GALNT12: variants seen among roughly 807,000 people sequenced by gnomAD.
The protein encoded by GALNT12 is polypeptide N-acetylgalactosaminyltransferase 12, also known as UDP-GalNAc:polypeptide N-acetylgalactosaminyltransferase 12.
A neutral mutation model predicts 55.5 loss-of-function variants in GALNT12; 45 were observed. The ratio of observed to expected loss-of-function variants is 0.81; its 90% CI spans 0.64 to 1.04. The LOEUF (loss-of-function observed/expected upper bound fraction) is 1.04. GALNT12 is among the 50% of genes least tolerant of loss of function. The pLI is 0.00. For missense variants in GALNT12, 709 were observed against 754.8 expected (o/e 0.94, Z 0.71); for synonymous variants, 304 against 312.2 (o/e 0.97, Z 0.28).
intron 6 of GALNT12, among the ~76,000 whole-genome samples, chr9:98,839,137 G>T (rs1836225059): frequency 1.3e-5 from 2 of 152,202 alleles, no homozygotes; most frequent in Non-Finnish European, 2.9e-5. Context: ...GGTTCCCAGA[G>T]AATATTTTAG....
chr9:98,835,282 G>C lies in GALNT12; in HGVS notation c.951G>C (p.Val317=), dbSNP rs1243352801. 6.2e-7 allele frequency: 1 copy of C among 1,614,038 alleles called. No individual in the cohort carries two copies. Among genetic ancestry groups the C allele is most frequent in the South Asian group, 1.1e-5 (1 of 91,082 alleles). Residue 317 remains valine, a synonymous_variant, in exon 5 of 10, where the codon GTG becomes GTC. Transcript: ENST00000375011. The part of the protein sequence containing the change: ...SPTMAGGLFA[V]SKKYFEYLGS... ...CAATGGCTGGTGGGCTGTTTGCTGT[G>C]AGTAAGAAATATTTTGAATATCTGG...
chr9:98,840,226 G>T, intron 7 of GALNT12, 93 bp downstream of exon 7: 2 of 1,518,722 alleles, frequency 1.3e-6, no homozygotes, highest in Non-Finnish European at 1.8e-6. Context: ...CACGTCATGG[G>T]GAGCACTGGC....
intron 6 of GALNT12, among the ~76,000 whole-genome samples, chr9:98,838,436 A>G (rs1350166748): frequency 1.3e-5 from 2 of 152,212 alleles, no homozygotes; most frequent in Non-Finnish European, 2.9e-5. Flanking sequence ...GGTCTCAGCC[A>G]CACACTACAG....
At position 98,808,011 on chromosome 9, in the gene GALNT12, A is replaced by G. The variant is rs768714862; in HGVS notation, c.313A>G (p.Ile105Val). ...GAGCGTGCGGCTGCACCAGATTAAC[A>G]TCTACCTCAGCGACCGCATCTCACT... is the stretch of plus-strand genomic sequence containing the variant. ...EESVRLHQIN[I>V]YLSDRISLHR... Residue 105 changes from isoleucine to valine, a missense_variant, in exon 1 of 10, where the codon ATC (isoleucine) becomes GTC (valine). Physicochemically the swap from Ile to Val is conservative, Grantham distance 29. Transcript: ENST00000375011. The G allele has an allele frequency of 1.3e-6, 2 of 1,563,522 alleles. No individual in the cohort carries two copies. The highest frequency in any genetic ancestry group is 1.2e-5 in the South Asian group (1 of 85,054).
chr9:98,807,721 G>C lies in GALNT12; in HGVS notation c.23G>C (p.Arg8Pro), dbSNP rs1313526292. Reference protein sequence around the residue: MWGRTARRRCPRELRRGR... With the variant: MWGRTARPRCPRELRRGR... ...CGCATGTGGGGGCGCACGGCGCGGC[G>C]GCGCTGCCCGCGGGAACTGCGGCGC... Residue 8 changes from arginine (R) to proline (P), a missense_variant, in exon 1 of 10, where the codon CGG (arginine) becomes CCG (proline). Coordinates refer to ENST00000375011, the MANE Select transcript of GALNT12 (RefSeq NM_024642.5). 4 of 1,177,644 alleles carry C rather than the reference G, an allele frequency of 3.4e-6. No homozygotes were observed. The African/African-American group carries it at 6.5e-5, about 19-fold the overall frequency. 72.9% of individuals were successfully genotyped at this position (1,177,644 alleles called of 1,614,324 possible). A position where few individuals can be genotyped will look rare whatever the true frequency, so the allele number is the denominator to read the frequency against.
intron 7 of GALNT12, among the ~76,000 whole-genome samples, chr9:98,841,702 C>T (rs1836290582): frequency 6.6e-6 from 1 of 151,530 alleles, no homozygotes; most frequent in East Asian, 1.9e-4. Context: ...AAAAGTCTTG[C>T]TCTTGTCCCC....
chr9:98,837,058 C>T lies in GALNT12; in HGVS notation c.1122C>T (p.Asn374=). 6.2e-7 allele frequency: 1 copy of T among 1,614,208 alleles called. No individual in the cohort carries two copies. The highest frequency in any genetic ancestry group is 1.7e-5 in the Admixed American group (1 of 60,022). Residue 374 remains asparagine (N), a synonymous_variant, in exon 6 of 10, where the codon AAC becomes AAT. Coordinates refer to ENST00000375011, the MANE Select transcript of GALNT12 (RefSeq NM_024642.5). ...VFPKQAPYSR[N]KALANSVRAA... ...CCAAGCAAGCTCCCTACTCCCGCAA[C>T]AAGGCTCTGGCCAACAGTGTTCGTG...
At position 98,837,072 on chromosome 9, in the gene GALNT12, A is replaced by G; in HGVS notation, c.1136A>G (p.Asn379Ser). The stretch of plus-strand genomic sequence containing the variant: ...TACTCCCGCAACAAGGCTCTGGCCA[A>G]CAGTGTTCGTGCAGCTGAAGTATGG... ...APYSRNKALA[N>S]SVRAAEVWMD... Residue 379 changes from asparagine (N) to serine (S), a missense_variant, in exon 6 of 10, where the codon AAC becomes AGC. Asn to Ser is a conservative substitution (Grantham distance 46). Transcript: ENST00000375011. The G allele has an allele frequency of 1.2e-6, 2 of 1,614,224 alleles. No individual in the cohort carries two copies. Among genetic ancestry groups the G allele is most frequent in the Non-Finnish European group, 1.7e-6 (2 of 1,180,044 alleles).
intron 1 of GALNT12, among the ~76,000 whole-genome samples, chr9:98,808,333 C>T (rs1199839768): frequency 1.3e-5 from 2 of 152,170 alleles, no homozygotes; most frequent in Admixed American, 6.5e-5. Context: ...GTTATCATCT[C>T]CCTGAAAAGG....
At chr9:98,821,003 T>C (rs1835723063) in intron 1 of GALNT12, among the ~76,000 whole-genome samples, 1 of 152,164 alleles carries the variant, frequency 6.6e-6, no homozygotes, top group African/African-American at 2.4e-5. Flanking sequence ...GTATGCTGGA[T>C]TTTCTTTAGA....
intron 1 of GALNT12, among the ~76,000 whole-genome samples, chr9:98,814,912 C>T (rs961722059): frequency 2.0e-5 from 3 of 152,130 alleles, no homozygotes; most frequent in Non-Finnish European, 2.9e-5. Context: ...AAGTACAAGG[C>T]GTGCTGAAAA....
chr9:98,848,603 C>A (rs957173467), intron 9 of GALNT12, among the ~76,000 whole-genome samples: 6 of 152,198 alleles, frequency 3.9e-5, no homozygotes, highest in Non-Finnish European at 1.5e-5. Context: ...GATCACCCTG[C>A]ACGGAATGAG....
At chr9:98,824,028 G>A (rs1213850273) in intron 2 of GALNT12, among the ~76,000 whole-genome samples, 1 of 152,234 alleles carries the variant, frequency 6.6e-6, no homozygotes, top group Admixed American at 6.5e-5. Flanking sequence ...TGTAACAGCA[G>A]GTAGAGCTGT....
At position 98,824,888 on chromosome 9, in the gene GALNT12, C is replaced by T. The variant is rs1432828368; in HGVS notation, c.541+1463C>T. Among the ~76,000 whole-genome samples the T allele has an allele frequency of 3.9e-5, 6 of 152,256 alleles. No individual in the cohort carries two copies. In the South Asian group the frequency reaches 1.2e-3, roughly 32 times the overall value. ...TCTGCATTTCCTTTTTCCGTTTCCC[C>T]CCAGGGTCGTTTTAAATCTCTCCGT... On this transcript the variant is annotated intron_variant, in intron 2 of 9. Transcript: ENST00000375011.
intron 3 of GALNT12, among the ~76,000 whole-genome samples, chr9:98,829,381 G>T (rs1346550520): frequency 2.0e-5 from 3 of 151,308 alleles, no homozygotes; most frequent in Admixed American, 6.6e-5. Context: ...TAGAGATGGG[G>T]TTTCACCATG....
At chr9:98,819,749 GATGTGATACAGGGATC>G (rs1041711389) in intron 1 of GALNT12, among the ~76,000 whole-genome samples, 3 of 152,016 alleles carry the variant, frequency 2.0e-5, no homozygotes, top group Non-Finnish European at 4.4e-5. Context: ...CAGGTGGGGA[GATGTGATACAGGGATC>G]TTTAGATTCA....
intron 6 of GALNT12, among the ~76,000 whole-genome samples, chr9:98,839,120 T>C (rs923853237): frequency 5.9e-5 from 9 of 152,154 alleles, no homozygotes; most frequent in Non-Finnish European, 1.3e-4. Flanking sequence ...AGTTCCCTTT[T>C]CCTGAGGGTT....
intron 8 of GALNT12, among the ~76,000 whole-genome samples, chr9:98,845,011 C>G (rs1339113363): frequency 6.6e-6 from 1 of 152,112 alleles, no homozygotes; most frequent in African/African-American, 2.4e-5. Flanking sequence ...TGGATTCACC[C>G]CAATGCCACT....
At chr9:98,818,981 G>A (rs545956945) in intron 1 of GALNT12, among the ~76,000 whole-genome samples, 3 of 152,228 alleles carry the variant, frequency 2.0e-5, no homozygotes, top group East Asian at 1.9e-4. Context: ...GCTCATTCAC[G>A]TGGCTGGAAA....
Sources: gnomAD v4.1 joint callset for allele counts (sites outside exome capture counted in the v4.1 genomes callset) on GRCh38, gnomAD v4.1.1 for gene constraint, MANE v1.5 for transcripts, NCBI Gene and HGNC (gene_info 2026-07-23, HGNC 2026-07-21) for gene names.